Variants in ASB7 observed in about 807,000 individuals in gnomAD.
The protein encoded by ASB7 is ankyrin repeat and SOCS box containing 7, also known as ankyrin repeat and SOCS box protein 7.
Under a neutral mutation model 32.5 loss-of-function variants are expected in ASB7, and 4 were observed. That is an observed-to-expected ratio of 0.12 (90% CI 0.06 to 0.28). ASB7 has a LOEUF of 0.28. Ranked by LOEUF, ASB7 falls within the 10% of genes least tolerant of loss-of-function variation. The pLI, the probability that ASB7 is intolerant of heterozygous loss-of-function variation, is 1.00. For missense variants in ASB7, 181 were observed against 407.1 expected, an observed-to-expected ratio of 0.44 and a Z score of 4.78; for synonymous variants, 172 against 155.6, an observed-to-expected ratio of 1.11 and a Z score of -0.78.
At chr15:100,622,591 A>G (rs1002722916) in intron 4 of ASB7, among the ~76,000 whole-genome samples, 3 of 152,240 alleles carry the variant, frequency 2.0e-5, no homozygotes, top group African/African-American at 7.2e-5. Flanking sequence ...ACAGCATGGT[A>G]TTGACCTAAA....
chr15:100,605,373 G>A (rs141362879), intron 2 of ASB7, among the ~76,000 whole-genome samples: 195 of 152,012 alleles, frequency 1.3e-3, no homozygotes, highest in African/African-American at 4.0e-3. Flanking sequence ...AATTTATTTC[G>A]TCACCAAATA....
Position 100,636,387 on chromosome 15 carries a change from A to G in ASB7, c.817+6345A>G, listed in dbSNP as rs533910109. Among the ~76,000 whole-genome samples the G allele has an allele frequency of 8.3e-4, 126 of 152,354 alleles. 1 individual carries two copies. Among genetic ancestry groups the G allele is most frequent in the African/African-American group, 2.9e-3 (122 of 41,576 alleles). On this transcript the variant is annotated intron_variant, in intron 5 of 5. Coordinates refer to ENST00000332783, the MANE Select transcript of ASB7 (RefSeq NM_198243.3). ...ATTTAGTTTATCATTTTTACTTAAAATAGGAAAAACATATCTGTCCGTTGT... is the reference window on the plus strand; with the variant it reads ...ATTTAGTTTATCATTTTTACTTAAAGTAGGAAAAACATATCTGTCCGTTGT...
intron 4 of ASB7, among the ~76,000 whole-genome samples, chr15:100,621,549 G>A (rs1030742270): frequency 3.3e-5 from 5 of 152,222 alleles, no homozygotes; most frequent in African/African-American, 1.2e-4. Flanking sequence ...CAGTGTAAAT[G>A]TATTTTTATC....
chr15:100,635,667 G>A (rs533947837), intron 5 of ASB7, among the ~76,000 whole-genome samples: 3 of 152,300 alleles, frequency 2.0e-5, no homozygotes, highest in African/African-American at 7.2e-5. Context: ...AAGCCCCATT[G>A]GTGCAGTTGT....
chr15:100,625,340 C>A (rs1057463486), intron 4 of ASB7, among the ~76,000 whole-genome samples: 2 of 152,146 alleles, frequency 1.3e-5, no homozygotes, highest in African/African-American at 4.8e-5. Flanking sequence ...AAGAAAACTA[C>A]AAATGTGTTC....
intron 3 of ASB7, among the ~76,000 whole-genome samples, chr15:100,611,024 A>G (rs539232437): frequency 2.6e-5 from 4 of 152,278 alleles, no homozygotes; most frequent in East Asian, 1.9e-4. Flanking sequence ...TACTGTTTCC[A>G]TGAAGGAGGT....
intron 2 of ASB7, among the ~76,000 whole-genome samples, chr15:100,607,652 T>C (rs1375390567): frequency 6.6e-6 from 1 of 152,204 alleles, no homozygotes; most frequent in Non-Finnish European, 1.5e-5. Flanking sequence ...TCTTAAAATG[T>C]CTGGGATTTT....
intron 5 of ASB7, among the ~76,000 whole-genome samples, chr15:100,644,288 A>G (rs2039982765): frequency 6.6e-6 from 1 of 152,260 alleles, no homozygotes; most frequent in Admixed American, 6.5e-5. Flanking sequence ...CCCGTCATCT[A>G]TTAGGAAAAT....
At chr15:100,607,913 C>T (rs2039660591) in intron 2 of ASB7, among the ~76,000 whole-genome samples, 1 of 152,188 alleles carries the variant, frequency 6.6e-6, no homozygotes, top group Non-Finnish European at 1.5e-5. Flanking sequence ...TAAATTAACA[C>T]CATTTCCTAT....
intron 5 of ASB7, among the ~76,000 whole-genome samples, chr15:100,635,155 T>C (rs541491047): frequency 2.6e-5 from 4 of 152,172 alleles, no homozygotes; most frequent in Non-Finnish European, 5.9e-5. Context: ...CCTGTTTCCC[T>C]TTGCCAATGA....
intron 3 of ASB7, 91 bp from the exon 4 acceptor site, chr15:100,612,075 T>C (rs2141388931): frequency 1.3e-6 from 1 of 744,566 alleles, no homozygotes; most frequent in Admixed American, 2.3e-5. Context: ...TTTACTGATG[T>C]AGCAAATGGA....
chr15:100,630,307 T>A, intron 5 of ASB7: 18 of 633,026 alleles, frequency 2.8e-5, no homozygotes, highest in East Asian at 5.4e-5. Flanking sequence ...GAGAGGAGAA[T>A]TTTTTTTAAA....
At chr15:100,642,724 CCT>C (rs1417842557) in intron 5 of ASB7, among the ~76,000 whole-genome samples, 1 of 152,242 alleles carries the variant, frequency 6.6e-6, no homozygotes, top group Non-Finnish European at 1.5e-5. Flanking sequence ...TTGACTGGGG[CCT>C]CTCTGCTTTG....
chr15:100,627,874 C>T (rs1257760269), intron 4 of ASB7, among the ~76,000 whole-genome samples: 3 of 150,728 alleles, frequency 2.0e-5, no homozygotes, highest in African/African-American at 7.5e-5. Flanking sequence ...GTAGATTTCA[C>T]GCCTGACTTT....
intron 4 of ASB7, among the ~76,000 whole-genome samples, chr15:100,624,732 A>T (rs759939493): frequency 6.6e-6 from 1 of 152,234 alleles, no homozygotes; most frequent in South Asian, 2.1e-4. Context: ...AGGATTCTAC[A>T]CAAATTTTTT....
intron 2 of ASB7, among the ~76,000 whole-genome samples, chr15:100,608,840 T>C (rs1026702574): frequency 1.8e-4 from 28 of 152,282 alleles, no homozygotes; most frequent in African/African-American, 5.3e-4. Context: ...CCAATTTGGA[T>C]TGGTTGAAAA....
At chr15:100,621,360 A>G (rs2039790559) in intron 4 of ASB7, among the ~76,000 whole-genome samples, 1 of 152,204 alleles carries the variant, frequency 6.6e-6, no homozygotes, top group African/African-American at 2.4e-5. Context: ...CATTGTATAT[A>G]ATTTTTCAAA....
chr15:100,640,391 C>A (rs938475144), intron 5 of ASB7, among the ~76,000 whole-genome samples: 1 of 152,136 alleles, frequency 6.6e-6, no homozygotes, highest in Non-Finnish European at 1.5e-5. Flanking sequence ...GTGATCTGCC[C>A]GCCTTAGCCT....
rs1270208166 is a variant in ASB7 at position 100,649,911 on chromosome 15, T to C, written c.*1449T>C. 1 of 152,264 alleles carries C rather than the reference T, an allele frequency of 6.6e-6. No homozygotes were observed. Among genetic ancestry groups the C allele is most frequent in the East Asian group, 1.9e-4 (1 of 5,202 alleles). The allele number at this position is 152,264 out of a possible 1,614,324, so 9.4% of individuals were successfully genotyped here. A position where few individuals can be genotyped will look rare whatever the true frequency, so the allele number is the denominator to read the frequency against. ...TTTACAAGACGAAGGGCTTCTCTCG[T>C]CTGAATTTCTAGATTTAAGTCATGA... On this transcript the variant is annotated 3_prime_UTR_variant, in exon 6 of 6. Transcript: ENST00000332783.
Sources: allele counts gnomAD v4.1 joint callset (sites outside exome capture counted in the v4.1 genomes callset), GRCh38; gene constraint gnomAD v4.1.1; transcripts MANE v1.5; gene names NCBI Gene and HGNC (gene_info 2026-07-23, HGNC 2026-07-21).